TMTC2: variants seen among roughly 807,000 people sequenced by gnomAD.
TMTC2 encodes the protein transmembrane O-mannosyltransferase targeting cadherins 2, also known as protein O-mannosyl-transferase TMTC2.
TMTC2 carries 43 observed loss-of-function variants against 82.4 expected under a neutral mutation model. The ratio of observed to expected loss-of-function variants is 0.52; its 90% CI spans 0.41 to 0.67. The LOEUF is 0.67. Ranked by LOEUF, TMTC2 falls within the 30% of genes least tolerant of loss-of-function variation. TMTC2 has a pLI of 0.00. For synonymous variants in TMTC2, 408 were observed against 381.9 expected (o/e 1.07, Z -0.80); for missense variants, 919 against 1,012.4 (o/e 0.91, Z 1.25).
At chr12:82,985,048 T>C (rs1879095237) in intron 7 of TMTC2, among the ~76,000 whole-genome samples, 2 of 152,040 alleles carry the variant, frequency 1.3e-5, no homozygotes, top group Non-Finnish European at 2.9e-5. Context: ...ATAATTTTAA[T>C]TATTTAATTA....
At chr12:83,058,794 C>G (rs1293413636) in intron 10 of TMTC2, among the ~76,000 whole-genome samples, 3 of 151,780 alleles carry the variant, frequency 2.0e-5, no homozygotes, top group Non-Finnish European at 4.4e-5. Flanking sequence ...CACTGCTTTC[C>G]TCTTCACTCA....
chr12:82,965,718 C>CTGTA lies in TMTC2; in HGVS notation c.1845_1848dup (p.His617ValfsTer3). On this transcript the variant is annotated frameshift_variant, in exon 6 of 12. Coordinates refer to ENST00000321196, the MANE Select transcript of TMTC2 (RefSeq NM_152588.3). LOFTEE classifies it high-confidence loss of function. Reference sequence around the variant, plus strand: ...CAGTTGTTTGTACAACCTAGGAAAGCTGTATCATGAGCAGGGACACTATGA... The same window carrying CTGTA: ...CAGTTGTTTGTACAACCTAGGAAAGCTGTATGTATCATGAGCAGGGACACTATGA... The CTGTA allele has an allele frequency of 6.2e-7, 1 of 1,613,840 alleles. No homozygotes were observed. Among genetic ancestry groups the CTGTA allele is most frequent in the Non-Finnish European group, 8.5e-7 (1 of 1,179,846 alleles).
chr12:82,979,411 A>C, intron 7 of TMTC2, among the ~76,000 whole-genome samples: 1 of 151,732 alleles, frequency 6.6e-6, no homozygotes, highest in East Asian at 1.9e-4. Context: ...TAAACTGATG[A>C]CAACTTATCA....
intron 2 of TMTC2, among the ~76,000 whole-genome samples, chr12:82,858,383 T>C (rs555262775): frequency 4.6e-5 from 7 of 152,298 alleles, no homozygotes; most frequent in African/African-American, 1.7e-4. Context: ...CAGAATAAAC[T>C]CACCGTTGCT....
At chr12:83,054,178 A>G (rs968336801) in intron 10 of TMTC2, among the ~76,000 whole-genome samples, 4 of 152,100 alleles carry the variant, frequency 2.6e-5, no homozygotes, top group African/African-American at 9.7e-5. Context: ...GATAGGTTCA[A>G]TGAGTGAGAA....
intron 1 of TMTC2, among the ~76,000 whole-genome samples, chr12:82,753,131 C>T (rs1162471191): frequency 6.6e-6 from 1 of 152,072 alleles, no homozygotes; most frequent in African/African-American, 2.4e-5. Flanking sequence ...CAGGCAGATA[C>T]CAGATATATG....
At chr12:82,761,156 A>G (rs1219249124) in intron 1 of TMTC2, among the ~76,000 whole-genome samples, 2 of 152,086 alleles carry the variant, frequency 1.3e-5, no homozygotes, top group Admixed American at 6.5e-5. Flanking sequence ...TTCAGTTTTT[A>G]TTCTTGCTAC....
intron 8 of TMTC2, among the ~76,000 whole-genome samples, chr12:83,008,517 A>G (rs761781131): frequency 6.6e-6 from 1 of 152,224 alleles, no homozygotes; most frequent in Non-Finnish European, 1.5e-5. Context: ...AAGAACATGC[A>G]TCTGTTCTTG....
At chr12:82,833,951 G>GA (rs1869889844) in intron 1 of TMTC2, among the ~76,000 whole-genome samples, 1 of 152,088 alleles carries the variant, frequency 6.6e-6, no homozygotes, top group Non-Finnish European at 1.5e-5. Context: ...AGAGATCTGA[G>GA]AAAAAATATC....
intron 11 of TMTC2, among the ~76,000 whole-genome samples, chr12:83,062,184 A>G (rs1050848460): frequency 1.3e-5 from 2 of 151,810 alleles, no homozygotes; most frequent in Non-Finnish European, 2.9e-5. Context: ...TGGCTGTGGC[A>G]TTAAATACCT....
At chr12:83,127,746 G>C (rs543480529) in intron 11 of TMTC2, among the ~76,000 whole-genome samples, 2 of 152,100 alleles carry the variant, frequency 1.3e-5, no homozygotes, top group Non-Finnish European at 2.9e-5. Flanking sequence ...TTCCTTGAGA[G>C]TCTCAAGGGC....
intron 1 of TMTC2, among the ~76,000 whole-genome samples, chr12:82,794,712 A>G (rs1444808150): frequency 6.6e-6 from 1 of 152,158 alleles, no homozygotes; most frequent in Non-Finnish European, 1.5e-5. Flanking sequence ...TATTAAGGGA[A>G]TAGAGTGTGA....
At chr12:82,885,691 G>T in intron 2 of TMTC2, among the ~76,000 whole-genome samples, 1 of 152,070 alleles carries the variant, frequency 6.6e-6, no homozygotes, top group East Asian at 1.9e-4. Flanking sequence ...GTTTTGAGAG[G>T]AAGAACATAC....
intron 2 of TMTC2, 69 bp from the exon 3 acceptor site, chr12:82,895,749 T>G: frequency 7.4e-7 from 1 of 1,346,346 alleles, no homozygotes; most frequent in Non-Finnish European, 1.0e-6. Context: ...ATTTTATCTC[T>G]AAGTGTTAAG....
At chr12:83,062,484 A>G (rs1485040941) in intron 11 of TMTC2, among the ~76,000 whole-genome samples, 1 of 151,792 alleles carries the variant, frequency 6.6e-6, no homozygotes, top group Non-Finnish European at 1.5e-5. Context: ...TTTTATTTTC[A>G]TATACCTTCT....
chr12:82,730,669 G>A (rs1355147956), intron 1 of TMTC2, among the ~76,000 whole-genome samples: 1 of 152,206 alleles, frequency 6.6e-6, no homozygotes, highest in Non-Finnish European at 1.5e-5. Context: ...GAGTGAGGTA[G>A]TTAAGTAATC....
At chr12:83,129,068 A>G (rs868073394) in intron 11 of TMTC2, among the ~76,000 whole-genome samples, 53 of 152,318 alleles carry the variant, frequency 3.5e-4, no homozygotes, top group South Asian at 1.4e-3. Flanking sequence ...AGTTATTGTG[A>G]TGTTTTAAGC....
chr12:82,821,874 G>A (rs531045874), intron 1 of TMTC2, among the ~76,000 whole-genome samples: 1 of 138,850 alleles, frequency 7.2e-6, no homozygotes, highest in East Asian at 2.1e-4. Flanking sequence ...GGGTGACAGA[G>A]CAAGACTCCG....
At chr12:82,841,999 CA>C (rs532796822) in intron 1 of TMTC2, among the ~76,000 whole-genome samples, 155 of 152,222 alleles carry the variant, frequency 1.0e-3, no homozygotes, top group Non-Finnish European at 1.7e-3. Context: ...GGATTCCAGA[CA>C]AAATGCAATA....
Sources: allele counts gnomAD v4.1 joint callset (sites outside exome capture counted in the v4.1 genomes callset), GRCh38; gene constraint gnomAD v4.1.1; transcripts MANE v1.5; gene names NCBI Gene and HGNC (gene_info 2026-07-23, HGNC 2026-07-21).